Variants in PTPRT observed in about 807,000 individuals in gnomAD.
PTPRT encodes the protein protein tyrosine phosphatase receptor type T, also known as receptor-type tyrosine-protein phosphatase T.
PTPRT carries 56 observed loss-of-function variants against 176.8 expected under a neutral mutation model. The ratio of observed to expected loss-of-function variants is 0.32; its 90% CI spans 0.26 to 0.40. PTPRT has a LOEUF of 0.40. Ranked by LOEUF, PTPRT falls within the 10% of genes least tolerant of loss-of-function variation. The probability of loss-of-function intolerance (pLI) is 1.00; values close to 1 mark genes in which losing one functional copy is unlikely to be tolerated. For synonymous variants in PTPRT, 783 were observed against 739.0 expected (o/e 1.06, Z -0.96); for missense variants, 1,540 against 1,908.2 (o/e 0.81, Z 3.60).
At chr20:43,038,202 A>G (rs1393611993) in intron 1 of PTPRT, among the ~76,000 whole-genome samples, 2 of 149,886 alleles carry the variant, frequency 1.3e-5, no homozygotes, top group Admixed American at 6.6e-5. Flanking sequence ...CCTCCCTAAA[A>G]TCTAATAAAA....
intron 9 of PTPRT, among the ~76,000 whole-genome samples, chr20:42,363,106 A>G (rs1473037238): frequency 4.1e-5 from 1 of 24,102 alleles, no homozygotes; most frequent in South Asian, 1.7e-3. Flanking sequence ...TCCATTTCAG[A>G]AAAAAAAAAA....
chr20:42,145,972 T>C (rs1189282450), intron 17 of PTPRT, among the ~76,000 whole-genome samples: 1 of 152,202 alleles, frequency 6.6e-6, no homozygotes, highest in Non-Finnish European at 1.5e-5. Flanking sequence ...TATCTCTCAC[T>C]TTTCTCCTCT....
chr20:43,032,830 A>G (rs1986202672), intron 1 of PTPRT, among the ~76,000 whole-genome samples: 1 of 152,206 alleles, frequency 6.6e-6, no homozygotes, highest in African/African-American at 2.4e-5. Flanking sequence ...ACTAATAAGT[A>G]AAAGCAAAAT....
intron 15 of PTPRT, among the ~76,000 whole-genome samples, chr20:42,217,264 T>A (rs992561447): frequency 6.6e-6 from 1 of 151,638 alleles, no homozygotes; most frequent in Admixed American, 6.6e-5. Context: ...TCCCAGCTAC[T>A]GGGGAGGCTG....
intron 17 of PTPRT, among the ~76,000 whole-genome samples, chr20:42,155,632 A>G (rs1056102398): frequency 3.9e-5 from 6 of 152,194 alleles, no homozygotes; most frequent in African/African-American, 1.4e-4. Flanking sequence ...TGACTCTTCA[A>G]TTCAAGATAG....
chr20:42,134,130 A>G (rs999106330), intron 18 of PTPRT, among the ~76,000 whole-genome samples: 2 of 152,186 alleles, frequency 1.3e-5, no homozygotes, highest in African/African-American at 2.4e-5. Flanking sequence ...AGATGCTAAT[A>G]TTATTCTGTG....
chr20:43,155,184 A>G (rs1411260224), intron 1 of PTPRT, among the ~76,000 whole-genome samples: 1 of 152,212 alleles, frequency 6.6e-6, no homozygotes, highest in Non-Finnish European at 1.5e-5. Context: ...TGATCCAGCA[A>G]TCTCACTTCT....
rs981433735 is a variant in PTPRT at position 42,220,737 on chromosome 20, G to A, written c.2342+15492C>T. 5.9e-5 allele frequency among the ~76,000 whole-genome samples: 9 copies of A among 152,122 alleles called. No individual in the cohort carries two copies. In the East Asian group the frequency reaches 1.7e-3, roughly 29 times the overall value. On this transcript the variant is annotated intron_variant, in intron 15 of 30. Coordinates refer to ENST00000373187, the MANE Select transcript of PTPRT (RefSeq NM_007050.6). Reference sequence around the variant, plus strand: ...AAATTGGAATAAAATTCTCTCCAAGGTACAACCCTTTTTATAGGATACTAT... The same window carrying A: ...AAATTGGAATAAAATTCTCTCCAAGATACAACCCTTTTTATAGGATACTAT...
At chr20:42,324,961 C>T (rs1016045456) in intron 11 of PTPRT, among the ~76,000 whole-genome samples, 3 of 152,184 alleles carry the variant, frequency 2.0e-5, no homozygotes, top group African/African-American at 7.2e-5. Flanking sequence ...ACCTATTGTC[C>T]TATCTGTCTG....
chr20:42,832,839 C>T (rs1234777313), intron 2 of PTPRT, among the ~76,000 whole-genome samples: 1 of 147,776 alleles, frequency 6.8e-6, no homozygotes, highest in Admixed American at 6.7e-5. Flanking sequence ...CTTGGTGCCT[C>T]ACACATGTAA....
At chr20:43,126,966 G>C (rs2013463265) in intron 1 of PTPRT, among the ~76,000 whole-genome samples, 1 of 152,178 alleles carries the variant, frequency 6.6e-6, no homozygotes, top group Non-Finnish European at 1.5e-5. Flanking sequence ...GCGTGAACAA[G>C]AAATAGACTT....
chr20:42,354,023 T>C (rs2058324172), intron 9 of PTPRT, among the ~76,000 whole-genome samples: 1 of 152,042 alleles, frequency 6.6e-6, no homozygotes, highest in Admixed American at 6.5e-5. Flanking sequence ...CACTGCACTT[T>C]AGCCTGGGTG....
chr20:43,111,407 G>A (rs1042383451), intron 1 of PTPRT, among the ~76,000 whole-genome samples: 3 of 151,956 alleles, frequency 2.0e-5, no homozygotes, highest in African/African-American at 7.2e-5. Flanking sequence ...AGCCGGGCGT[G>A]GTGGCACATG....
intron 4 of PTPRT, among the ~76,000 whole-genome samples, chr20:42,773,143 G>A (rs544851211): frequency 6.6e-6 from 1 of 152,316 alleles, no homozygotes; most frequent in East Asian, 1.9e-4. Context: ...TGATGGTTCA[G>A]GTTTCTGTCC....
rs77186341 is a variant in PTPRT at position 42,196,913 on chromosome 20, T to C, written c.2491+2327A>G. ...AAGAAGAACTCAAACTTACCATCAC[T>C]GGTAATGTGCAAAGCGGTATGATAT... On this transcript the variant is annotated intron_variant, in intron 16 of 30. Transcript: ENST00000373187. Among the ~76,000 whole-genome samples the C allele has an allele frequency of 3.6e-3, 550 of 152,326 alleles. 7 individuals are homozygous for C. In the East Asian group the frequency reaches 0.043, roughly 12 times the overall value.
chr20:42,633,625 A>G (rs953029777), intron 7 of PTPRT, among the ~76,000 whole-genome samples: 1 of 149,304 alleles, frequency 6.7e-6, no homozygotes, highest in African/African-American at 2.5e-5. Flanking sequence ...GTCTTTACTT[A>G]AAATACAAAA....
intron 13 of PTPRT, among the ~76,000 whole-genome samples, chr20:42,278,073 CTA>C (rs777694770): frequency 7.6e-4 from 30 of 39,232 alleles, no homozygotes; most frequent in African/African-American, 1.8e-3. Flanking sequence ...TGTAAGTAGA[CTA>C]TATATATATA....
At chr20:42,160,099 C>T (rs567123517) in intron 17 of PTPRT, among the ~76,000 whole-genome samples, 1 of 151,714 alleles carries the variant, frequency 6.6e-6, no homozygotes, top group South Asian at 2.1e-4. Flanking sequence ...CACAGCAAAA[C>T]TGAATCAAGC....
At chr20:42,125,825 T>C (rs1159762040) in intron 19 of PTPRT, among the ~76,000 whole-genome samples, 2 of 152,118 alleles carry the variant, frequency 1.3e-5, no homozygotes, top group African/African-American at 2.4e-5. Context: ...ATGACTTTTG[T>C]TGGGGGATTC....
Sources: allele counts gnomAD v4.1 joint callset (sites outside exome capture counted in the v4.1 genomes callset), GRCh38; gene constraint gnomAD v4.1.1; transcripts MANE v1.5; gene names NCBI Gene and HGNC (gene_info 2026-07-23, HGNC 2026-07-21).